GYG2: variants seen among roughly 807,000 people sequenced by gnomAD.
The protein encoded by GYG2 is glycogenin 2.
Under a neutral mutation model 29.4 loss-of-function variants are expected in GYG2, and 29 were observed. That is an observed-to-expected ratio of 0.99 (90% CI 0.74 to 1.35). The LOEUF (loss-of-function observed/expected upper bound fraction) is 1.35. Ranked by LOEUF, GYG2 falls within the 40% of genes most tolerant of loss-of-function variation. GYG2 has a pLI of 0.00. For synonymous variants in GYG2, 167 were observed against 172.3 expected, an observed-to-expected ratio of 0.97 and a Z score of 0.24; for missense variants, 370 against 385.7, an observed-to-expected ratio of 0.96 and a Z score of 0.34.
In GYG2 at chrX:2,881,125, G is replaced by A. The variant is rs755356862; in HGVS notation, c.1325G>A (p.Arg442Lys). Residue 442 changes from arginine (R) to lysine (K), a missense_variant, in exon 11 of 11, where the codon AGG becomes AAG. Arg to Lys is a conservative substitution (Grantham distance 26). Transcript: ENST00000398806. The stretch of plus-strand genomic sequence containing the variant: ...AAGGAATTGAGCCCCGAGGAAGAGA[G>A]GAGGAAGTGGGAGGAAGGCCGTATC... Reference protein sequence around the residue: ...KVKELSPEEERRKWEEGRIDY... With the variant: ...KVKELSPEEEKRKWEEGRIDY... The A allele has an allele frequency of 1.7e-6, 2 of 1,202,181 alleles. No homozygotes were observed. Among genetic ancestry groups the A allele is most frequent in the Non-Finnish European group, 2.2e-6 (2 of 889,546 alleles).
At position 2,830,159 on chromosome X, in the gene GYG2, C is replaced by G. The variant is rs1376131861; in HGVS notation, c.-30C>G. On this transcript the variant is annotated 5_prime_UTR_variant, in exon 2 of 11. Coordinates refer to ENST00000398806, the MANE Select transcript of GYG2 (RefSeq NM_001079855.2). The stretch of plus-strand genomic sequence containing the variant: ...TGCTCCCGGGCGCAGGTCTGCAGGT[C>G]CGCGCCCACTGCCCGCGGCGCCACT... The G allele has an allele frequency of 5.0e-6, 6 of 1,205,181 alleles. No homozygotes were observed. The highest frequency in any genetic ancestry group is 3.0e-5 in the East Asian group (1 of 33,694).
intron 3 of GYG2, among the ~76,000 whole-genome samples, chrX:2,845,059 G>GTGTATGTATATTTACACA (rs1569057324): frequency 2.0e-5 from 1 of 50,841 alleles, no homozygotes; most frequent in African/African-American, 9.8e-5. Flanking sequence ...ATATATACAC[G>GTGTATGTATATTTACACA]TGTGTATGTA....
At chrX:2,847,784 T>C (rs113876681) in intron 3 of GYG2, among the ~76,000 whole-genome samples, 1,381 of 109,719 alleles carry the variant, frequency 0.013, 18 homozygotes, top group African/African-American at 0.043. Flanking sequence ...GAGGTAAACA[T>C]TTAAAACATA....
chrX:2,863,534 T>C (rs927185730), intron 8 of GYG2, among the ~76,000 whole-genome samples: 1 of 112,286 alleles, frequency 8.9e-6, no homozygotes, highest in African/African-American at 3.2e-5. Flanking sequence ...TTGTTGCTTA[T>C]AAACAAGTGA....
chrX:2,857,725 C>T (rs1425389530), intron 6 of GYG2, among the ~76,000 whole-genome samples: 1 of 111,044 alleles, frequency 9.0e-6, no homozygotes, highest in Non-Finnish European at 1.9e-5. Flanking sequence ...TTCCTGCTTG[C>T]TTGTTGCTGT....
chrX:2,857,535 T>C (rs1569065307), intron 6 of GYG2, among the ~76,000 whole-genome samples: 2 of 111,073 alleles, frequency 1.8e-5, no homozygotes, highest in African/African-American at 6.5e-5. Context: ...TCTCTCTATG[T>C]ATCTAGATCT....
At chrX:2,863,878 CA>C (rs1475742099) in intron 8 of GYG2, among the ~76,000 whole-genome samples, 1 of 111,388 alleles carries the variant, frequency 9.0e-6, no homozygotes, top group African/African-American at 3.3e-5. Flanking sequence ...ACATGATGTG[CA>C]AAACGGCTGC....
chrX:2,837,870 T>TAC (rs1258526727), intron 2 of GYG2, among the ~76,000 whole-genome samples: 2 of 85,027 alleles, frequency 2.4e-5, no homozygotes, highest in Non-Finnish European at 4.6e-5. Flanking sequence ...CACACACACA[T>TAC]ACACACACAC....
chrX:2,843,432 A>G, intron 3 of GYG2, 78 bp downstream of exon 3: 13 of 801,076 alleles, frequency 1.6e-5, no homozygotes, highest in Non-Finnish European at 2.3e-5. Flanking sequence ...AGGTCCTAGG[A>G]GTTATTCTGA....
chrX:2,878,712 C>T (rs949777148), intron 10 of GYG2, among the ~76,000 whole-genome samples: 12 of 112,013 alleles, frequency 1.1e-4, no homozygotes, highest in African/African-American at 3.6e-4. Flanking sequence ...AGGAAGATTT[C>T]GGTCATTGAT....
At chrX:2,841,009 ATAG>A (rs2087482257) in intron 2 of GYG2, among the ~76,000 whole-genome samples, 1 of 12,354 alleles carries the variant, frequency 8.1e-5, no homozygotes, top group African/African-American at 1.7e-4. Context: ...GATGATATAG[ATAG>A]ATAGATAGAA....
intron 6 of GYG2, 112 bp downstream of exon 6, chrX:2,856,736 TCATC>T (rs1285015430): frequency 4.2e-6 from 2 of 481,796 alleles, no homozygotes; most frequent in Non-Finnish European, 3.3e-6. Context: ...TATCTATCTA[TCATC>T]TATCTATCTA....
chrX:2,832,523 G>A (rs762799256), intron 2 of GYG2, among the ~76,000 whole-genome samples: 12 of 111,404 alleles, frequency 1.1e-4, no homozygotes, highest in African/African-American at 3.9e-4. Context: ...CTTTGTGTGT[G>A]TCTGTGTCCT....
At chrX:2,868,325 C>T (rs1334154822) in intron 8 of GYG2, among the ~76,000 whole-genome samples, 5 of 108,189 alleles carry the variant, frequency 4.6e-5, no homozygotes, top group Admixed American at 1.0e-4. Flanking sequence ...CTGGCCAACA[C>T]GGTGAAACCC....
intron 8 of GYG2, among the ~76,000 whole-genome samples, chrX:2,864,856 G>A (rs994371453): frequency 9.2e-6 from 1 of 109,175 alleles, no homozygotes; most frequent in African/African-American, 3.3e-5. Flanking sequence ...TCCACCGCCC[G>A]AGTCCAAGCA....
At chrX:2,849,727 T>A (rs2087824753) in intron 3 of GYG2, among the ~76,000 whole-genome samples, 1 of 112,134 alleles carries the variant, frequency 8.9e-6, no homozygotes, top group South Asian at 3.7e-4. Flanking sequence ...AACAAAGACT[T>A]TTCAAATTTG....
At chrX:2,846,495 C>T (rs1386746100) in intron 3 of GYG2, among the ~76,000 whole-genome samples, 1 of 110,720 alleles carries the variant, frequency 9.0e-6, no homozygotes, top group Non-Finnish European at 1.9e-5. Flanking sequence ...GTTAACAAAT[C>T]TTCAGGGAGG....
At chrX:2,875,644 C>A (rs1404058839) in intron 8 of GYG2, among the ~76,000 whole-genome samples, 166 bp from the exon 9 acceptor site, 3 of 108,799 alleles carry the variant, frequency 2.8e-5, no homozygotes, top group Non-Finnish European at 5.7e-5. Context: ...GAAGAAGAAA[C>A]AAACACAGGT....
intron 8 of GYG2, among the ~76,000 whole-genome samples, chrX:2,872,721 T>A (rs73435424): frequency 0.14 from 15,419 of 111,456 alleles, 840 homozygotes; most frequent in South Asian, 0.33. Flanking sequence ...CCCTAATCCA[T>A]TTCCAGGAAT....
Sources: allele counts gnomAD v4.1 joint callset (sites outside exome capture counted in the v4.1 genomes callset), GRCh38; gene constraint gnomAD v4.1.1; transcripts MANE v1.5; gene names NCBI Gene and HGNC (gene_info 2026-07-23, HGNC 2026-07-21).